SGCA: variants seen among roughly 807,000 people sequenced by gnomAD.
SGCA encodes the protein sarcoglycan alpha, also known as alpha-sarcoglycan.
In SGCA, 34 loss-of-function variants were observed where a neutral mutation model predicts 38.1. The observed-to-expected ratio is 0.89, with a 90% CI of 0.68 to 1.19. SGCA has a LOEUF of 1.19. Ranked by LOEUF, SGCA falls within the 50% of genes most tolerant of loss-of-function variation. The pLI is 0.00. For synonymous variants in SGCA, 209 were observed against 214.6 expected, an observed-to-expected ratio of 0.97 and a Z score of 0.23; for missense variants, 476 against 524.9, an observed-to-expected ratio of 0.91 and a Z score of 0.91.
intron 8 of SGCA, 63 bp from the exon 9 acceptor site, chr17:50,175,194 T>C: frequency 1.3e-6 from 2 of 1,506,894 alleles, no homozygotes; most frequent in African/African-American, 1.4e-5. Flanking sequence ...TCAGAGGCAG[T>C]TCCAGGCTGT....
intron 8 of SGCA, among the ~76,000 whole-genome samples, chr17:50,173,924 C>T (rs1905701494): frequency 6.6e-6 from 1 of 152,146 alleles, no homozygotes; most frequent in Non-Finnish European, 1.5e-5. Context: ...TAATTGGGAC[C>T]TGAACATGGG....
chr17:50,167,796 G>T lies in SGCA; in HGVS notation c.312+60G>T. The T allele has an allele frequency of 6.3e-7, 1 of 1,589,580 alleles. No individual in the cohort carries two copies. On this transcript the variant is annotated intron_variant, in intron 3 of 9. Coordinates refer to ENST00000262018, the MANE Select transcript of SGCA (RefSeq NM_000023.4). The surrounding 1 kb of genome is among the most constrained non-coding windows in gnomAD (Gnocchi z 4.5). ...GGGCCAGAGTGGCCTCCTAGGAGCA[G>T]CCCTATGAATTGGGATTGGGTGCTC...
Position 50,170,719 on chromosome 17 carries a change from G to C in SGCA, c.983+53G>C, listed in dbSNP as rs969818451. On this transcript the variant is annotated intron_variant, in intron 8 of 9. Transcript: ENST00000262018. ...TGGGAGCCCACCTAGACAGTTGTTG[G>C]ACCCCGCCACCAAACTATGCCATGA... 4.4e-5 allele frequency: 63 copies of C among 1,443,514 alleles called. 1 individual carries two copies. In the African/African-American group the frequency reaches 6.6e-4, roughly 15 times the overall value. 89.4% of individuals were successfully genotyped at this position (1,443,514 alleles called of 1,614,324 possible). A position where few individuals can be genotyped will look rare whatever the true frequency, so the allele number is the denominator to read the frequency against.
At chr17:50,174,207 G>A (rs1314205115) in intron 8 of SGCA, among the ~76,000 whole-genome samples, 1 of 152,186 alleles carries the variant, frequency 6.6e-6, no homozygotes, top group Admixed American at 6.5e-5. Flanking sequence ...TATAGTCCCA[G>A]TTACTCAGGA....
chr17:50,170,494 G>A, intron 7 of SGCA, 143 bp downstream of exon 7: 1 of 1,312,722 alleles, frequency 7.6e-7, no homozygotes, highest in Admixed American at 1.9e-5. Flanking sequence ...CCCTTTCTAG[G>A]CAACTTGGGG....
chr17:50,172,684 C>G (rs1905553934), intron 8 of SGCA, among the ~76,000 whole-genome samples: 1 of 152,170 alleles, frequency 6.6e-6, no homozygotes, highest in Non-Finnish European at 1.5e-5. Context: ...ACCATCTTGA[C>G]CCACTGGGTT....
At chr17:50,172,084 C>G in intron 8 of SGCA, 1 of 454,038 alleles carries the variant, frequency 2.2e-6, no homozygotes, top group South Asian at 1.6e-5. Flanking sequence ...GGCTGGAAGT[C>G]TCCACTGGGC....
intron 9 of SGCA, 112 bp from the exon 10 acceptor site, chr17:50,175,600 A>C: frequency 1.3e-6 from 1 of 745,352 alleles, no homozygotes; most frequent in South Asian, 1.5e-5. Context: ...GGTCCTCACC[A>C]GTGCCAGGGC....
intron 5 of SGCA, 43 bp downstream of exon 5, chr17:50,168,615 C>T: frequency 6.6e-7 from 1 of 1,516,510 alleles, no homozygotes; most frequent in Non-Finnish European, 9.0e-7. Flanking sequence ...GAGGAGGATG[C>T]AGCTTGTGGC....
At position 50,167,713 on chromosome 17, in the gene SGCA, G is replaced by C. The variant is rs774299871; in HGVS notation, c.289G>C (p.Asp97His). 2.5e-6 allele frequency: 4 copies of C among 1,612,184 alleles called. No individual in the cohort carries two copies. The highest frequency in any genetic ancestry group is 3.4e-6 in the Non-Finnish European group (4 of 1,178,626). The part of the protein sequence containing the change: ...GFLYGSATPE[D>H]RGLQVIEVTA... Reference sequence around the variant, plus strand: ...CCTCTACGGCTCTGCCACCCCAGAAGATCGTGGGCTCCAGGTCATTGAGGT... The same window carrying C: ...CCTCTACGGCTCTGCCACCCCAGAACATCGTGGGCTCCAGGTCATTGAGGT... The change falls in exon 3 of 10, where the codon GAT (aspartate) becomes CAT (histidine). Residue 97 changes from aspartate (D) to histidine (H), a missense_variant. By Grantham distance (81) the Asp-to-His change is moderately conservative. Coordinates refer to ENST00000262018, the MANE Select transcript of SGCA (RefSeq NM_000023.4). The surrounding 1 kb of genome is among the most constrained non-coding windows in gnomAD (Gnocchi z 4.5).
rs1477008390 is a variant in SGCA at position 50,169,163 on chromosome 17, A to T, written c.656A>T (p.His219Leu). Residue 219 changes from histidine to leucine, a missense_variant, in exon 6 of 10, where the codon CAC (histidine) becomes CTC (leucine). Transcript: ENST00000262018. ...CLKMVASPDS[H>L]ARCAQGQPPL... is the part of the protein sequence containing the mutation. ...AAGATGGTGGCATCCCCCGATAGCC[A>T]CGCCCGCTGTGCCCAGGGCCAGCCT... 6.2e-7 allele frequency: 1 copy of T among 1,613,816 alleles called. No homozygotes were observed. The highest frequency in any genetic ancestry group is 1.7e-5 in the Admixed American group (1 of 59,998).
chr17:50,173,124 A>G (rs1905598157), intron 8 of SGCA, among the ~76,000 whole-genome samples: 1 of 152,244 alleles, frequency 6.6e-6, no homozygotes, highest in African/African-American at 2.4e-5. Flanking sequence ...TGAAATCAAT[A>G]ACCGTTTTAC....
At position 50,168,016 on chromosome 17, in the gene SGCA, G is replaced by A; in HGVS notation, c.382G>A (p.Glu128Lys). The change falls in exon 4 of 10, where the codon GAA becomes AAA. Residue 128 changes from glutamate to lysine, a missense_variant. By Grantham distance (56) the Glu-to-Lys change is moderately conservative. Transcript: ENST00000262018. ...GCTGGTGCTGGAGATTGGGGACCCA[G>A]AAGGTACCTCTAGCTGTGCCCCATC... ...QRLVLEIGDP[E>K]GPLLPYQAEF... 6.2e-7 allele frequency: 1 copy of A among 1,613,624 alleles called. No homozygotes were observed. Among genetic ancestry groups the A allele is most frequent in the South Asian group, 1.1e-5 (1 of 91,070 alleles).
chr17:50,168,986 C>T, intron 5 of SGCA, 106 bp from the exon 6 acceptor site: 1 of 1,043,284 alleles, frequency 9.6e-7, no homozygotes. Context: ...TCATCCCATC[C>T]CCAGGTCATA....
At position 50,168,657 on chromosome 17, in the gene SGCA, G is replaced by A. The variant is rs1046302855; in HGVS notation, c.584+85G>A. 9.3e-6 allele frequency: 12 copies of A among 1,288,204 alleles called. No homozygotes were observed. In the East Asian group the frequency reaches 1.5e-4, roughly 16 times the overall value. The allele number at this position is 1,288,204 out of a possible 1,614,324, so 79.8% of individuals were successfully genotyped here. On this transcript the variant is annotated intron_variant, in intron 5 of 9. Transcript: ENST00000262018. ...AGAACAAGGGTCTCCCTAATTTCCA[G>A]GTGGGGCTTTACCACGCACATCTCC...
chr17:50,175,198 A>C (rs1032475240), intron 8 of SGCA, 59 bp from the exon 9 acceptor site: 40 of 1,518,510 alleles, frequency 2.6e-5, no homozygotes, highest in Middle Eastern at 1.9e-4. Context: ...AGGCAGTTCC[A>C]GGCTGTACTC....
At chr17:50,168,999 C>A in intron 5 of SGCA, 93 bp from the exon 6 acceptor site, 1 of 1,193,232 alleles carries the variant, frequency 8.4e-7, no homozygotes, top group Non-Finnish European at 1.2e-6. Flanking sequence ...AGGTCATAGC[C>A]TACAATTAGG....
intron 6 of SGCA, 97 bp from the exon 7 acceptor site, chr17:50,170,046 G>T (rs1312515744): frequency 9.8e-7 from 1 of 1,016,644 alleles, no homozygotes; most frequent in African/African-American, 1.6e-5. Flanking sequence ...GCTGGACTTT[G>T]TGTCTCCTGC....
At position 50,168,036 on chromosome 17, in the gene SGCA, C is replaced by T. The variant is rs1292026406; in HGVS notation, c.385+17C>T. ...ACCCAGAAGGTACCTCTAGCTGTGC[C>T]CCATCCCTTCCCCACCAATGCCAGT... On this transcript the variant is annotated intron_variant, in intron 4 of 9. Coordinates refer to ENST00000262018, the MANE Select transcript of SGCA (RefSeq NM_000023.4). The T allele has an allele frequency of 3.1e-6, 5 of 1,603,142 alleles. No homozygotes were observed. Among genetic ancestry groups the T allele is most frequent in the Admixed American group, 1.7e-5 (1 of 60,004 alleles).
Sources: allele counts gnomAD v4.1 joint callset (sites outside exome capture counted in the v4.1 genomes callset), GRCh38; gene constraint gnomAD v4.1.1; non-coding constraint Gnocchi (gnomAD v3.1); transcripts MANE v1.5; gene names NCBI Gene and HGNC (gene_info 2026-07-23, HGNC 2026-07-21).